RASA1: variants seen among roughly 807,000 people sequenced by gnomAD.
RASA1 encodes the protein ras GTPase-activating protein 1.
A neutral mutation model predicts 132.2 loss-of-function variants in RASA1; 25 were observed. That is an observed-to-expected ratio of 0.19 (90% CI 0.14 to 0.26). The LOEUF is 0.26. Ranked by LOEUF, RASA1 falls within the 10% of genes least tolerant of loss-of-function variation. The probability of loss-of-function intolerance (pLI) is 1.00; values close to 1 mark genes in which losing one functional copy is unlikely to be tolerated. For synonymous variants in RASA1, 477 were observed against 449.9 expected, an observed-to-expected ratio of 1.06 and a Z score of -0.76; for missense variants, 964 against 1,299.2, an observed-to-expected ratio of 0.74 and a Z score of 3.97.
intron 1 of RASA1, among the ~76,000 whole-genome samples, chr5:87,283,777 CT>C (rs1754424304): frequency 6.6e-6 from 1 of 152,116 alleles, no homozygotes; most frequent in South Asian, 2.1e-4. Context: ...ATTCCCACTT[CT>C]GTTTTTCTTC....
At chr5:87,285,230 G>A (rs943410435) in intron 1 of RASA1, among the ~76,000 whole-genome samples, 1 of 151,776 alleles carries the variant, frequency 6.6e-6, no homozygotes, top group East Asian at 1.9e-4. Flanking sequence ...ACCACGCCCA[G>A]CTAATTTTTA....
intron 17 of RASA1, 176 bp downstream of exon 17, chr5:87,377,216 T>C: frequency 1.3e-6 from 1 of 774,262 alleles, no homozygotes; most frequent in Non-Finnish European, 2.1e-6. Flanking sequence ...TGTTGGTTAC[T>C]ATGGGAAGCT....
rs1157155135 is a variant in RASA1 at position 87,389,538 on chromosome 5, G to A, written c.3060+11G>A. 22 of 1,613,516 alleles carry A rather than the reference G, an allele frequency of 1.4e-5. No homozygotes were observed. Among genetic ancestry groups the A allele is most frequent in the Middle Eastern group, 3.3e-4 (2 of 6,056 alleles). On this transcript the variant is annotated intron_variant, in intron 24 of 24. Coordinates refer to ENST00000274376, the MANE Select transcript of RASA1 (RefSeq NM_002890.3). The stretch of plus-strand genomic sequence containing the variant: ...CGTGGTGCACAGCAGGTAGGCTTTC[G>A]CCAGCCTTCATTAACAATGATGTTT...
At chr5:87,357,990 T>C (rs1210188175) in intron 9 of RASA1, among the ~76,000 whole-genome samples, 2 of 152,202 alleles carry the variant, frequency 1.3e-5, no homozygotes, top group Non-Finnish European at 2.9e-5. Context: ...AAGTTGGTTT[T>C]AGTAGAAGTT....
At chr5:87,322,774 C>T (rs1264083126) in intron 1 of RASA1, among the ~76,000 whole-genome samples, 1 of 152,106 alleles carries the variant, frequency 6.6e-6, no homozygotes, top group South Asian at 2.1e-4. Flanking sequence ...TGGACGAAAA[C>T]CTATTTTTAA....
intron 1 of RASA1, among the ~76,000 whole-genome samples, chr5:87,286,202 C>G (rs1284338583): frequency 6.6e-6 from 1 of 152,010 alleles, no homozygotes; most frequent in Non-Finnish European, 1.5e-5. Flanking sequence ...CAGGGTTTCA[C>G]ATGTTGGCAA....
At chr5:87,326,793 C>T (rs984505587) in intron 1 of RASA1, among the ~76,000 whole-genome samples, 4 of 151,796 alleles carry the variant, frequency 2.6e-5, no homozygotes, top group Admixed American at 6.6e-5. Flanking sequence ...CACTTGCAGC[C>T]CCAATTAATT....
chr5:87,381,978 G>T (rs1319246888), intron 20 of RASA1, among the ~76,000 whole-genome samples: 2 of 152,074 alleles, frequency 1.3e-5, no homozygotes, highest in Admixed American at 6.6e-5. Flanking sequence ...TTGAGACAGG[G>T]TCTTGCTCTG....
intron 1 of RASA1, among the ~76,000 whole-genome samples, chr5:87,305,007 G>T (rs1436354387): frequency 1.1e-5 from 1 of 95,182 alleles, no homozygotes; most frequent in Non-Finnish European, 2.1e-5. Flanking sequence ...ATCTGAAAAT[G>T]TACTTGTTTT....
chr5:87,296,759 G>T lies in RASA1; in HGVS notation c.539+27769G>T, dbSNP rs535507835. Among the ~76,000 whole-genome samples the T allele has an allele frequency of 1.8e-4, 27 of 152,094 alleles. No homozygotes were observed. In the South Asian group the frequency reaches 5.6e-3, roughly 32 times the overall value. On this transcript the variant is annotated intron_variant, in intron 1 of 24. Transcript: ENST00000274376. ...ATTTTCTGAAGCTTGAATATGATAT[G>T]CTTAGATTTTTAAAAATTATTTTTA...
At chr5:87,380,202 A>T (rs1217249720) in intron 19 of RASA1, among the ~76,000 whole-genome samples, 4 of 152,116 alleles carry the variant, frequency 2.6e-5, no homozygotes, top group Non-Finnish European at 4.4e-5. Flanking sequence ...AGTATTAGTG[A>T]ACTCACTTGT....
rs1490393398 is a variant in RASA1 at position 87,267,935 on chromosome 5, CGCCCCCCTTTCTCTT to C, written c.-509_-495del. 3 of 392,584 alleles carry C rather than the reference CGCCCCCCTTTCTCTT, an allele frequency of 7.6e-6. No homozygotes were observed. The highest frequency in any genetic ancestry group is 6.3e-5 in the African/African-American group (3 of 47,960). 24.3% of individuals were successfully genotyped at this position (392,584 alleles called of 1,614,324 possible). A position where few individuals can be genotyped will look rare whatever the true frequency, so the allele number is the denominator to read the frequency against. On this transcript the variant is annotated 5_prime_UTR_variant, in exon 1 of 25. Transcript: ENST00000274376. ...AGTTCAGTCGATTTCCTCGTTACCCCGCCCCCCTTTCTCTTGCCCCCCCACCCCTCTCATCTGCCT... is the reference window on the plus strand; with the variant it reads ...AGTTCAGTCGATTTCCTCGTTACCCCGCCCCCCCACCCCTCTCATCTGCCT...
At chr5:87,385,243 G>A (rs1761987075) in intron 21 of RASA1, 58 bp from the exon 22 acceptor site, 1 of 1,072,386 alleles carries the variant, frequency 9.3e-7, no homozygotes, top group East Asian at 2.4e-5. Flanking sequence ...ATTTATAATG[G>A]TTTAGCTGGA....
intron 1 of RASA1, among the ~76,000 whole-genome samples, chr5:87,286,250 G>A (rs934952567): frequency 6.6e-6 from 1 of 151,936 alleles, no homozygotes; most frequent in Admixed American, 6.6e-5. Context: ...TGATCCACTC[G>A]CATTTGGCCT....
At chr5:87,365,027 G>T (rs182523365) in intron 11 of RASA1, among the ~76,000 whole-genome samples, 2 of 152,028 alleles carry the variant, frequency 1.3e-5, no homozygotes, top group African/African-American at 2.4e-5. Context: ...GTTTATTATC[G>T]TGAAAACAGT....
intron 11 of RASA1, 104 bp downstream of exon 11, chr5:87,363,608 T>A: frequency 7.7e-7 from 1 of 1,300,520 alleles, no homozygotes; most frequent in Non-Finnish European, 1.1e-6. Flanking sequence ...CTTCTAAAAG[T>A]AGCAGATGCA....
At chr5:87,345,844 G>T (rs1278994889) in intron 6 of RASA1, among the ~76,000 whole-genome samples, 1 of 152,094 alleles carries the variant, frequency 6.6e-6, no homozygotes, top group African/African-American at 2.4e-5. Flanking sequence ...CCACAAAGTA[G>T]TAGATAGGTG....
At chr5:87,282,541 G>A (rs576373862) in intron 1 of RASA1, among the ~76,000 whole-genome samples, 3 of 152,102 alleles carry the variant, frequency 2.0e-5, no homozygotes, top group South Asian at 4.1e-4. Flanking sequence ...GGTTTCTGTG[G>A]GTTTACCTGT....
At position 87,268,415 on chromosome 5, in the gene RASA1, G is replaced by A; in HGVS notation, c.-37G>A. On this transcript the variant is annotated 5_prime_UTR_variant, in exon 1 of 25. Coordinates refer to ENST00000274376, the MANE Select transcript of RASA1 (RefSeq NM_002890.3). The stretch of plus-strand genomic sequence containing the variant: ...GGCCTGGTGGCCCCTGGGGCTCCCG[G>A]GCGGGCAGGGTAGGGCAGAGTAGAG... The A allele has an allele frequency of 6.7e-7, 1 of 1,493,182 alleles. No individual in the cohort carries two copies. Among genetic ancestry groups the A allele is most frequent in the Non-Finnish European group, 8.9e-7 (1 of 1,117,752 alleles). The allele number at this position is 1,493,182 out of a possible 1,614,324, so 92.5% of individuals were successfully genotyped here. A position where few individuals can be genotyped will look rare whatever the true frequency, so the allele number is the denominator to read the frequency against.
Sources: allele counts gnomAD v4.1 joint callset (sites outside exome capture counted in the v4.1 genomes callset), GRCh38; gene constraint gnomAD v4.1.1; transcripts MANE v1.5; gene names NCBI Gene and HGNC (gene_info 2026-07-23, HGNC 2026-07-21).